The following EIPR1 variants were observed in gnomAD, a reference collection of about 807,000 sequenced individuals.
EIPR1 encodes the protein EARP and GARP complex-interacting protein 1.
A neutral mutation model predicts 48.1 loss-of-function variants in EIPR1; 25 were observed. The ratio of observed to expected loss-of-function variants is 0.52; its 90% CI spans 0.38 to 0.73. The LOEUF is 0.73. EIPR1 is among the 30% of genes least tolerant of loss of function. EIPR1 has a pLI of 0.00. For missense variants in EIPR1, 415 were observed against 506.2 expected, an observed-to-expected ratio of 0.82 and a Z score of 1.73; for synonymous variants, 204 against 201.9, an observed-to-expected ratio of 1.01 and a Z score of -0.09.
At position 3,354,552 on chromosome 2, in the gene EIPR1, GATT is replaced by G; in HGVS notation, c.121_123del (p.Asn41del). The G allele has an allele frequency of 6.2e-7, 1 of 1,613,728 alleles. No homozygotes were observed. Among genetic ancestry groups the G allele is most frequent in the Non-Finnish European group, 8.5e-7 (1 of 1,179,760 alleles). On this transcript the variant is annotated inframe_deletion, in exon 2 of 9. Coordinates refer to ENST00000382125, the MANE Select transcript of EIPR1 (RefSeq NM_003310.5). ...ATACATTTGTCAAAAATAGTTACCT[GATT>G]ATCATATTTAAGAGACTGCGTCCCA...
At chr2:3,203,072 G>A (rs910150436) in intron 5 of EIPR1, among the ~76,000 whole-genome samples, 11 of 152,190 alleles carry the variant, frequency 7.2e-5, no homozygotes, top group South Asian at 2.1e-4. Context: ...GGCCCTGTGC[G>A]GAGCATTTAT....
At chr2:3,253,682 G>A (rs1249675895) in intron 4 of EIPR1, among the ~76,000 whole-genome samples, 1 of 152,318 alleles carries the variant, frequency 6.6e-6, no homozygotes, top group East Asian at 1.9e-4. Flanking sequence ...GTTCTGGGGG[G>A]CACACTGGGT....
chr2:3,367,584 G>A (rs1343740353), intron 1 of EIPR1, among the ~76,000 whole-genome samples: 1 of 152,134 alleles, frequency 6.6e-6, no homozygotes, highest in Non-Finnish European at 1.5e-5. Flanking sequence ...TAAATGACTC[G>A]TAAACCGAAT....
At chr2:3,297,294 G>A (rs1269465454) in intron 3 of EIPR1, among the ~76,000 whole-genome samples, 1 of 152,234 alleles carries the variant, frequency 6.6e-6, no homozygotes, top group Non-Finnish European at 1.5e-5. Context: ...AAAGAAGGCT[G>A]AGTGGCATGA....
At chr2:3,284,773 C>T (rs116722586) in intron 3 of EIPR1, among the ~76,000 whole-genome samples, 151 of 152,186 alleles carry the variant, frequency 9.9e-4, no homozygotes, top group African/African-American at 3.5e-3. Flanking sequence ...CCTGCCTTTC[C>T]GCTTGTGGCA....
At chr2:3,246,329 G>A (rs1015138340) in intron 4 of EIPR1, among the ~76,000 whole-genome samples, 7 of 152,150 alleles carry the variant, frequency 4.6e-5, no homozygotes, top group African/African-American at 1.7e-4. Flanking sequence ...ACTAAAATGA[G>A]GAAAAATGAA....
intron 3 of EIPR1, among the ~76,000 whole-genome samples, chr2:3,276,510 T>C (rs929800012): frequency 1.3e-5 from 2 of 152,224 alleles, no homozygotes; most frequent in African/African-American, 4.8e-5. Flanking sequence ...CACCATGTTC[T>C]TTCCTGCTGC....
chr2:3,269,586 AATCATC>A (rs1667630774), intron 3 of EIPR1, among the ~76,000 whole-genome samples: 1 of 35,104 alleles, frequency 2.8e-5, no homozygotes, highest in South Asian at 1.6e-3. Flanking sequence ...CATCGCACTC[AATCATC>A]GCACTCAATC....
intron 3 of EIPR1, among the ~76,000 whole-genome samples, chr2:3,295,631 CAT>C (rs1668547184): frequency 8.5e-6 from 1 of 118,160 alleles, no homozygotes; most frequent in Non-Finnish European, 1.8e-5. Context: ...ATCCTCTCTA[CAT>C]ACACACACCC....
chr2:3,334,864 GAA>G (rs1467476019), intron 3 of EIPR1, among the ~76,000 whole-genome samples: 36 of 152,362 alleles, frequency 2.4e-4, no homozygotes, highest in African/African-American at 7.5e-4. Context: ...AAGTCTGGCA[GAA>G]AGAGTCAGTC....
intron 3 of EIPR1, among the ~76,000 whole-genome samples, chr2:3,336,384 G>A (rs916320318): frequency 6.6e-6 from 1 of 152,158 alleles, no homozygotes; most frequent in Non-Finnish European, 1.5e-5. Flanking sequence ...GCTGGCAGGA[G>A]GTGCATAGCC....
chr2:3,232,164 A>C (rs1666263013), intron 4 of EIPR1, among the ~76,000 whole-genome samples: 1 of 152,074 alleles, frequency 6.6e-6, no homozygotes, highest in Non-Finnish European at 1.5e-5. Flanking sequence ...GGAACCATTT[A>C]TATTGTCTCT....
chr2:3,362,534 G>A (rs936636859), intron 1 of EIPR1, among the ~76,000 whole-genome samples: 3 of 151,966 alleles, frequency 2.0e-5, no homozygotes, highest in Non-Finnish European at 4.4e-5. Context: ...GGTTTTAAGC[G>A]GTGGGCTGAA....
chr2:3,257,975 G>A (rs1667213991), intron 3 of EIPR1, among the ~76,000 whole-genome samples: 14 of 152,206 alleles, frequency 9.2e-5, no homozygotes, highest in Admixed American at 9.2e-4. Flanking sequence ...GGGACCGGAA[G>A]GTAATGCCAT....
chr2:3,336,922 G>A (rs1670075467), intron 3 of EIPR1, among the ~76,000 whole-genome samples: 2 of 56,200 alleles, frequency 3.6e-5, no homozygotes, highest in Admixed American at 1.6e-4. Context: ...AAGGGAAAAG[G>A]GAAGGGAAGG....
intron 3 of EIPR1, among the ~76,000 whole-genome samples, chr2:3,287,709 G>A (rs372421777): frequency 5.3e-5 from 8 of 150,280 alleles, no homozygotes; most frequent in Admixed American, 2.6e-4. Context: ...CATTCACCAC[G>A]CTCCAGAAAG....
chr2:3,345,948 A>AACCACC lies in EIPR1; in HGVS notation c.127-7805_127-7800dup, dbSNP rs539173395. Among the ~76,000 whole-genome samples the AACCACC allele has an allele frequency of 1.6e-4, 25 of 152,124 alleles. No homozygotes were observed. The East Asian group carries it at 2.1e-3, about 13-fold the overall frequency. ...GCTCTTGGTACAGAAGTCCAGTGAA[A>AACCACC]ACCACCACCACCACCACCACCGTGC... On this transcript the variant is annotated intron_variant, in intron 2 of 8. Coordinates refer to ENST00000382125, the MANE Select transcript of EIPR1 (RefSeq NM_003310.5).
intron 3 of EIPR1, among the ~76,000 whole-genome samples, chr2:3,303,727 G>A (rs955186342): frequency 1.3e-5 from 2 of 152,202 alleles, no homozygotes; most frequent in African/African-American, 4.8e-5. Context: ...TCCCGGCACC[G>A]TGAACACAAT....
chr2:3,369,308 G>A (rs1007694211), intron 1 of EIPR1, among the ~76,000 whole-genome samples: 11 of 152,246 alleles, frequency 7.2e-5, no homozygotes, highest in African/African-American at 2.4e-4. Flanking sequence ...CGTGAGCAAC[G>A]CAGAAGACGG....
Sources: gnomAD v4.1 joint callset for allele counts (sites outside exome capture counted in the v4.1 genomes callset) on GRCh38, gnomAD v4.1.1 for gene constraint, MANE v1.5 for transcripts, NCBI Gene and HGNC (gene_info 2026-07-23, HGNC 2026-07-21) for gene names.